Variants in ACMSD observed in about 807,000 individuals in gnomAD.
ACMSD encodes 2-amino-3-carboxymuconate-6-semialdehyde decarboxylase.
A neutral mutation model predicts 45.9 loss-of-function variants in ACMSD; 37 were observed. That is an observed-to-expected ratio of 0.81 (90% CI 0.62 to 1.06). ACMSD has a LOEUF of 1.06. Ranked by LOEUF, ACMSD falls within the 50% of genes least tolerant of loss-of-function variation. The pLI is 0.00. For missense variants in ACMSD, 434 were observed against 420.9 expected (o/e 1.03, Z -0.27); for synonymous variants, 138 against 148.8 (o/e 0.93, Z 0.53).
chr2:134,899,620 T>C (rs1374826468), intron 9 of ACMSD, among the ~76,000 whole-genome samples: 1 of 152,144 alleles, frequency 6.6e-6, no homozygotes, highest in East Asian at 1.9e-4. Flanking sequence ...TTATTGTTTA[T>C]TCTTATGTGC....
chr2:134,845,379 C>T, intron 2 of ACMSD, 102 bp downstream of exon 2: 1 of 1,244,102 alleles, frequency 8.0e-7, no homozygotes, highest in Non-Finnish European at 1.2e-6. Context: ...CACTCTTCTG[C>T]CCATGTATTA....
rs1025588147 is a variant in ACMSD, at chr2:134,879,475, C to T, written c.849+6834C>T. Among the ~76,000 whole-genome samples, 9 of 152,274 alleles carry T rather than the reference C, an allele frequency of 5.9e-5. 1 individual carries two copies. Among genetic ancestry groups the T allele is most frequent in the East Asian group, 3.9e-4 (2 of 5,188 alleles). On this transcript the variant is annotated intron_variant, in intron 8 of 9. Transcript: ENST00000356140. The stretch of plus-strand genomic sequence containing the variant: ...ATGGTAGCACCAAATTTCCAGGAAC[C>T]AAACTCTGTATTCGTTACATGCTGC...
chr2:134,840,186 A>AAAAAAAC (rs1686731018), intron 1 of ACMSD, among the ~76,000 whole-genome samples: 1 of 136,958 alleles, frequency 7.3e-6, no homozygotes, highest in Admixed American at 7.9e-5. Context: ...AAAAAAAAAA[A>AAAAAAAC]AAAAAAACCA....
At chr2:134,894,866 G>A (rs771463467) in intron 8 of ACMSD, among the ~76,000 whole-genome samples, 1 of 151,910 alleles carries the variant, frequency 6.6e-6, no homozygotes, top group Non-Finnish European at 1.5e-5. Context: ...AAACTATTAG[G>A]GCTAATAGAT....
chr2:134,891,231 T>C (rs959454433), intron 8 of ACMSD, among the ~76,000 whole-genome samples: 1 of 152,122 alleles, frequency 6.6e-6, no homozygotes, highest in Non-Finnish European at 1.5e-5. Flanking sequence ...CAGGAGAGTT[T>C]TCCCTAAGTT....
In ACMSD at chr2:134,871,015, G is replaced by C; in HGVS notation, c.631G>C (p.Val211Leu). 6.2e-7 allele frequency: 1 copy of C among 1,614,158 alleles called. No homozygotes were observed. The highest frequency in any genetic ancestry group is 8.5e-7 in the Non-Finnish European group (1 of 1,180,030). Reference sequence around the variant, plus strand: ...CATTTGCTCCATGATCATGGGTGGAGTATTTGAGAAGTTTCCCAAACTGAA... The same window carrying C: ...CATTTGCTCCATGATCATGGGTGGACTATTTGAGAAGTTTCCCAAACTGAA... ...IAICSMIMGGVFEKFPKLKVC... is the reference protein window; with the variant it reads ...IAICSMIMGGLFEKFPKLKVC... Residue 211 changes from valine to leucine, a missense_variant, in exon 7 of 10, where the codon GTA (valine) becomes CTA (leucine). Coordinates refer to ENST00000356140, the MANE Select transcript of ACMSD (RefSeq NM_138326.3).
chr2:134,850,883 C>T (rs995124420), intron 2 of ACMSD, among the ~76,000 whole-genome samples: 2 of 152,090 alleles, frequency 1.3e-5, no homozygotes, highest in African/African-American at 4.8e-5. Context: ...TGATTGAACC[C>T]GCCACCCAGT....
intron 4 of ACMSD, 105 bp downstream of exon 4, chr2:134,862,123 C>A: frequency 8.4e-7 from 1 of 1,189,292 alleles, no homozygotes. Flanking sequence ...CACTAACTGC[C>A]CCCAACAACT....
Position 134,901,822 on chromosome 2 carries a change from C to T in ACMSD, c.973C>T (p.Leu325=), listed in dbSNP as rs1690517645. 6.2e-7 allele frequency: 1 copy of T among 1,600,008 alleles called. No individual in the cohort carries two copies. Among genetic ancestry groups the T allele is most frequent in the Non-Finnish European group, 8.5e-7 (1 of 1,171,222 alleles). ...TKNKLKAGNA[L]AFLGLERKQF... ...GAATAAACTCAAAGCCGGCAATGCC[C>T]TGGCATTTTTGGGTCTTGAGAGAAA... Residue 325 remains leucine (L), a synonymous_variant, in exon 10 of 10, where the codon CTG becomes TTG. Coordinates refer to ENST00000356140, the MANE Select transcript of ACMSD (RefSeq NM_138326.3).
At chr2:134,876,586 TCTC>T (rs1559058500) in intron 8 of ACMSD, among the ~76,000 whole-genome samples, 1 of 152,166 alleles carries the variant, frequency 6.6e-6, no homozygotes, top group Non-Finnish European at 1.5e-5. Flanking sequence ...GGAGCTGTCA[TCTC>T]CTACGACAAT....
At chr2:134,869,725 T>TCA (rs1688326542) in intron 6 of ACMSD, among the ~76,000 whole-genome samples, 1 of 151,864 alleles carries the variant, frequency 6.6e-6, no homozygotes, top group African/African-American at 2.4e-5. Context: ...TATATATATA[T>TCA]ATCACAAGAA....
chr2:134,859,012 A>G (rs983810482), intron 2 of ACMSD, among the ~76,000 whole-genome samples: 3 of 149,046 alleles, frequency 2.0e-5, no homozygotes, highest in African/African-American at 7.5e-5. Flanking sequence ...CCAGAGAAAC[A>G]TAACCTCAAC....
chr2:134,878,197 C>A (rs1201538372), intron 8 of ACMSD, among the ~76,000 whole-genome samples: 1 of 152,168 alleles, frequency 6.6e-6, no homozygotes, highest in African/African-American at 2.4e-5. Context: ...CCTTTCCATT[C>A]CAAAAGGGGA....
At chr2:134,886,123 A>G (rs1689426186) in intron 8 of ACMSD, among the ~76,000 whole-genome samples, 1 of 152,150 alleles carries the variant, frequency 6.6e-6, no homozygotes, top group African/African-American at 2.4e-5. Context: ...TTCCAGGAAT[A>G]GGATGGCCTT....
intron 8 of ACMSD, among the ~76,000 whole-genome samples, chr2:134,886,630 AT>A (rs964453666): frequency 2.0e-5 from 3 of 152,286 alleles, no homozygotes; most frequent in East Asian, 3.9e-4. Flanking sequence ...CATAAAAAAA[AT>A]CATAGCTATC....
intron 2 of ACMSD, among the ~76,000 whole-genome samples, chr2:134,847,435 G>C (rs1687109955): frequency 6.7e-6 from 1 of 148,776 alleles, no homozygotes; most frequent in South Asian, 2.1e-4. Flanking sequence ...TAGATAGATA[G>C]ATAGATAGAT....
At chr2:134,885,234 A>G (rs1258576069) in intron 8 of ACMSD, among the ~76,000 whole-genome samples, 1 of 120,988 alleles carries the variant, frequency 8.3e-6, no homozygotes, top group Non-Finnish European at 1.6e-5. Context: ...TATAATACAT[A>G]TGTAAATATA....
chr2:134,886,246 A>ATTTTTTTTTTTTTTT (rs756206850), intron 8 of ACMSD, among the ~76,000 whole-genome samples: 1 of 115,452 alleles, frequency 8.7e-6, no homozygotes, highest in African/African-American at 3.6e-5. Context: ...TATTATTATT[A>ATTTTTTTTTTTTTTT]TTTTTTTTTT....
In ACMSD at chr2:134,869,706, G is replaced by GTATA. The variant is rs149963659; in HGVS notation, c.581-1241_581-1238dup. Among the ~76,000 whole-genome samples the GTATA allele has an allele frequency of 4.9e-3, 717 of 145,346 alleles. 5 individuals are homozygous for GTATA. Among genetic ancestry groups the GTATA allele is most frequent in the East Asian group, 0.018 (91 of 4,992 alleles). On this transcript the variant is annotated intron_variant, in intron 6 of 9. Coordinates refer to ENST00000356140, the MANE Select transcript of ACMSD (RefSeq NM_138326.3). The stretch of plus-strand genomic sequence containing the variant: ...GTTAGAGGAAAGAGATTATAAACAA[G>GTATA]TATATATATATATATATATATCACA...
Sources: allele counts gnomAD v4.1 joint callset (sites outside exome capture counted in the v4.1 genomes callset), GRCh38; gene constraint gnomAD v4.1.1; transcripts MANE v1.5; gene names NCBI Gene and HGNC (gene_info 2026-07-23, HGNC 2026-07-21).